The following LTBP1 variants were observed in gnomAD, a reference collection of about 807,000 sequenced individuals.
LTBP1 encodes the protein latent-transforming growth factor beta-binding protein 1.
A neutral mutation model predicts 207.6 loss-of-function variants in LTBP1; 129 were observed. That is an observed-to-expected ratio of 0.62 (90% CI 0.54 to 0.72). The LOEUF is 0.72. Among genes scored for constraint, LTBP1 ranks in the 30% least tolerant of loss-of-function variants. The pLI is 0.00. For missense variants in LTBP1, 2,281 were observed against 2,217.2 expected, an observed-to-expected ratio of 1.03 and a Z score of -0.58; for synonymous variants, 963 against 833.7, an observed-to-expected ratio of 1.16 and a Z score of -2.67.
intron 24 of LTBP1, among the ~76,000 whole-genome samples, chr2:33,319,940 G>A (rs751069881): frequency 1.1e-4 from 17 of 152,122 alleles, no homozygotes; most frequent in Non-Finnish European, 2.2e-4. Flanking sequence ...TCATTCCTTC[G>A]TTTGACAGAT....
intron 5 of LTBP1, among the ~76,000 whole-genome samples, chr2:33,136,581 A>T (rs2082162187): frequency 6.6e-6 from 1 of 152,164 alleles, no homozygotes; most frequent in East Asian, 1.9e-4. Context: ...ATGGCTTTTC[A>T]CCACTTTATC....
intron 31 of LTBP1, among the ~76,000 whole-genome samples, chr2:33,377,460 A>C (rs954931149): frequency 2.0e-5 from 3 of 152,174 alleles, no homozygotes; most frequent in African/African-American, 7.2e-5. Flanking sequence ...TGAGCCTTGG[A>C]GTGTCAGTTG....
chr2:32,981,812 G>A (rs1174995157), intron 2 of LTBP1, among the ~76,000 whole-genome samples: 1 of 152,158 alleles, frequency 6.6e-6, no homozygotes, highest in South Asian at 2.1e-4. Flanking sequence ...CTCTGCACAT[G>A]CTTTCATGCC....
At chr2:32,987,476 A>G (rs1290499857) in intron 2 of LTBP1, among the ~76,000 whole-genome samples, 2 of 152,150 alleles carry the variant, frequency 1.3e-5, no homozygotes, top group East Asian at 1.9e-4. Flanking sequence ...GATGAGAAGC[A>G]GGAAGCTTTC....
intron 4 of LTBP1, among the ~76,000 whole-genome samples, chr2:33,118,732 A>T (rs139475772): frequency 7.9e-5 from 12 of 152,298 alleles, no homozygotes; most frequent in Non-Finnish European, 1.8e-4. Flanking sequence ...ATCTATTGCA[A>T]AGAAAAGTTC....
At chr2:33,221,378 T>C (rs2091089480) in intron 8 of LTBP1, among the ~76,000 whole-genome samples, 1 of 152,196 alleles carries the variant, frequency 6.6e-6, no homozygotes, top group Non-Finnish European at 1.5e-5. Flanking sequence ...ATCCCAGAAC[T>C]TTGGCTGCAT....
intron 3 of LTBP1, among the ~76,000 whole-genome samples, chr2:33,034,502 G>A (rs546823573): frequency 1.4e-4 from 22 of 152,170 alleles, no homozygotes; most frequent in African/African-American, 5.3e-4. Flanking sequence ...AAATCTATAA[G>A]GATCAGAAAA....
In LTBP1 at chr2:33,163,240, A is replaced by G. The variant is rs1309839500; in HGVS notation, c.1202-23616A>G. Among the ~76,000 whole-genome samples, 4 of 152,174 alleles carry G rather than the reference A, an allele frequency of 2.6e-5. No individual in the cohort carries two copies. In the East Asian group the frequency reaches 7.7e-4, roughly 29 times the overall value. On this transcript the variant is annotated intron_variant, in intron 5 of 33. Coordinates refer to ENST00000404816, the MANE Select transcript of LTBP1 (RefSeq NM_206943.4). ...GTGATCCACTTGCCAAGGCCTCCCA[A>G]AGTGCTGGGATTACAGGTGTGAACC...
intron 15 of LTBP1, among the ~76,000 whole-genome samples, chr2:33,263,871 T>G (rs2093093737): frequency 6.6e-6 from 1 of 151,162 alleles, no homozygotes. Context: ...GGGAGTCGCT[T>G]GAACCCAGGA....
intron 5 of LTBP1, among the ~76,000 whole-genome samples, chr2:33,151,119 TAC>T (rs1447550177): frequency 1.3e-5 from 2 of 152,218 alleles, no homozygotes; most frequent in Non-Finnish European, 2.9e-5. Context: ...GTTATTTGCA[TAC>T]ACTACCTTTT....
chr2:33,359,551 T>TAG (rs1553516310), intron 26 of LTBP1, among the ~76,000 whole-genome samples: 1 of 152,214 alleles, frequency 6.6e-6, no homozygotes, highest in Non-Finnish European at 1.5e-5. Flanking sequence ...CTTTTGACCT[T>TAG]AGAGTTTGAG....
At chr2:33,038,366 T>C (rs181257877) in intron 3 of LTBP1, among the ~76,000 whole-genome samples, 11 of 152,360 alleles carry the variant, frequency 7.2e-5, no homozygotes, top group African/African-American at 2.6e-4. Flanking sequence ...TCTAATCTTT[T>C]ACCTTATGCA....
At chr2:33,188,882 G>A (rs4542826) in intron 7 of LTBP1, 31 bp downstream of exon 7, 885,215 of 1,603,522 alleles carry the variant, frequency 0.55, 245,563 homozygotes, top group African/African-American at 0.58. Context: ...TGCTTTAGCA[G>A]TGTCTTACAG....
At chr2:33,384,889 C>T (rs1305238539) in intron 31 of LTBP1, among the ~76,000 whole-genome samples, 4 of 152,128 alleles carry the variant, frequency 2.6e-5, no homozygotes, top group Non-Finnish European at 4.4e-5. Flanking sequence ...AGGCCCAGCA[C>T]ATGCTAGAAA....
chr2:33,178,258 C>T (rs1399630820), intron 5 of LTBP1, among the ~76,000 whole-genome samples: 5 of 152,290 alleles, frequency 3.3e-5, no homozygotes, highest in Non-Finnish European at 7.4e-5. Context: ...GCGACAATGA[C>T]AGCATCTGTG....
At chr2:33,139,259 C>T (rs2082437014) in intron 5 of LTBP1, among the ~76,000 whole-genome samples, 1 of 152,138 alleles carries the variant, frequency 6.6e-6, no homozygotes, top group South Asian at 2.1e-4. Flanking sequence ...GCTTTACTGG[C>T]TTCATTAAAG....
At chr2:33,326,838 C>T (rs1285262808) in intron 24 of LTBP1, among the ~76,000 whole-genome samples, 1 of 151,662 alleles carries the variant, frequency 6.6e-6, no homozygotes, top group African/African-American at 2.4e-5. Flanking sequence ...TTTGTATTTT[C>T]TTAGTAGGGA....
At chr2:33,208,864 T>TA (rs2090078477) in intron 7 of LTBP1, among the ~76,000 whole-genome samples, 1 of 117,990 alleles carries the variant, frequency 8.5e-6, no homozygotes, top group African/African-American at 3.1e-5. Flanking sequence ...GTCTTGCTAC[T>TA]ATTTTTTTTT....
At chr2:33,392,569 C>T (rs930955009) in intron 32 of LTBP1, among the ~76,000 whole-genome samples, 4 of 152,096 alleles carry the variant, frequency 2.6e-5, no homozygotes, top group African/African-American at 9.7e-5. Flanking sequence ...AAAAGCAGCC[C>T]TAGATAGCAC....
Sources: gnomAD v4.1 joint callset for allele counts (sites outside exome capture counted in the v4.1 genomes callset) on GRCh38, gnomAD v4.1.1 for gene constraint, MANE v1.5 for transcripts, NCBI Gene and HGNC (gene_info 2026-07-23, HGNC 2026-07-21) for gene names.